Variants in ASIC2 observed in about 807,000 individuals in gnomAD.
The protein encoded by ASIC2 is acid sensing ion channel subunit 2.
In ASIC2, 25 loss-of-function variants were observed where a neutral mutation model predicts 57.3. The observed-to-expected ratio is 0.44, with a 90% CI of 0.32 to 0.61. ASIC2 has a LOEUF of 0.61. ASIC2 is among the 20% of genes least tolerant of loss of function. ASIC2 has a pLI of 0.06. For missense variants in ASIC2, 641 were observed against 738.1 expected (o/e 0.87, Z 1.52); for synonymous variants, 319 against 307.5 (o/e 1.04, Z -0.39).
chr17:33,884,451 C>G (rs967222063), intron 1 of ASIC2, among the ~76,000 whole-genome samples: 14 of 152,034 alleles, frequency 9.2e-5, no homozygotes, highest in African/African-American at 2.9e-4. Flanking sequence ...GTAAGTAGCC[C>G]TTTCCTTCTT....
At chr17:33,898,976 C>T (rs559967471) in intron 1 of ASIC2, among the ~76,000 whole-genome samples, 24 of 152,242 alleles carry the variant, frequency 1.6e-4, no homozygotes, top group African/African-American at 5.1e-4. Context: ...ATGGCTGTTG[C>T]CCGCTTGCCA....
At chr17:34,082,329 C>T (rs1402577531) in intron 1 of ASIC2, 4 of 152,150 alleles carry the variant, frequency 2.6e-5, no homozygotes, top group Non-Finnish European at 4.4e-5. Flanking sequence ...AGGACCAGCA[C>T]CAGGCCACCA....
intron 1 of ASIC2, among the ~76,000 whole-genome samples, chr17:33,688,432 C>T (rs577430074): frequency 5.3e-4 from 81 of 152,202 alleles, no homozygotes; most frequent in Middle Eastern, 6.8e-3. Flanking sequence ...TGAATGTTAA[C>T]TTAACAGTAT....
chr17:34,032,715 A>T (rs1311857390), intron 1 of ASIC2, among the ~76,000 whole-genome samples: 1 of 152,236 alleles, frequency 6.6e-6, no homozygotes, highest in African/African-American at 2.4e-5. Context: ...TTGCAATCCT[A>T]GTCACTGATA....
chr17:33,464,129 T>A (rs964698485), intron 1 of ASIC2, among the ~76,000 whole-genome samples: 12 of 152,194 alleles, frequency 7.9e-5, no homozygotes, highest in South Asian at 2.1e-4. Context: ...ATTTTCCCAG[T>A]CCTAAGAGTC....
At chr17:33,147,348 A>C (rs1046600147) in intron 1 of ASIC2, among the ~76,000 whole-genome samples, 8 of 152,242 alleles carry the variant, frequency 5.3e-5, no homozygotes, top group Non-Finnish European at 1.0e-4. Context: ...CCTGATAGCC[A>C]ATGTCCAAAA....
chr17:34,028,206 T>C (rs1476823787), intron 1 of ASIC2, among the ~76,000 whole-genome samples: 2 of 152,094 alleles, frequency 1.3e-5, no homozygotes, highest in Admixed American at 6.5e-5. Flanking sequence ...ATATTTTAGT[T>C]TGTGAGAGCT....
At chr17:33,272,708 C>G (rs1038047844) in intron 1 of ASIC2, among the ~76,000 whole-genome samples, 1 of 152,178 alleles carries the variant, frequency 6.6e-6, no homozygotes, top group Admixed American at 6.5e-5. Context: ...TCATCACCAT[C>G]ATCATCATTG....
intron 3 of ASIC2, among the ~76,000 whole-genome samples, chr17:33,070,343 T>TC (rs200991005): frequency 0.017 from 2,595 of 149,798 alleles, 75 homozygotes; most frequent in African/African-American, 0.06. Context: ...CGCCATTACT[T>TC]TTTTTTTTTT....
chr17:33,350,687 A>AAAAGAAAGAAATAAAGAAAGAAAGAAAG (rs1908130110), intron 1 of ASIC2, among the ~76,000 whole-genome samples: 1 of 145,556 alleles, frequency 6.9e-6, no homozygotes, highest in Non-Finnish European at 1.5e-5. Context: ...GTGAGAAAAA[A>AAAAGAAAGAAATAAAGAAAGAAAGAAAG]AAAGAAAGAA....
intron 1 of ASIC2, among the ~76,000 whole-genome samples, chr17:34,031,226 A>T (rs923728475): frequency 6.6e-6 from 1 of 152,316 alleles, no homozygotes; most frequent in African/African-American, 2.4e-5. Context: ...TTCTTCAGCC[A>T]CCGCTGTGGA....
chr17:34,109,853 T>C (rs998269886), intron 1 of ASIC2, among the ~76,000 whole-genome samples: 4 of 152,188 alleles, frequency 2.6e-5, no homozygotes, highest in African/African-American at 9.7e-5. Flanking sequence ...CCAGGTATTG[T>C]AACACTGAAA....
At chr17:33,697,839 T>G (rs745354775) in intron 1 of ASIC2, among the ~76,000 whole-genome samples, 10 of 152,220 alleles carry the variant, frequency 6.6e-5, no homozygotes, top group Non-Finnish European at 1.5e-4. Context: ...AAAAGAACTC[T>G]GACTGTCAGT....
intron 1 of ASIC2, among the ~76,000 whole-genome samples, chr17:34,111,025 A>G (rs1911254617): frequency 6.6e-6 from 1 of 152,034 alleles, no homozygotes; most frequent in South Asian, 2.1e-4. Context: ...GGAGTTCGAA[A>G]CCAGCCTGGC....
At chr17:33,664,842 G>A (rs1039488826) in intron 1 of ASIC2, among the ~76,000 whole-genome samples, 107 of 152,302 alleles carry the variant, frequency 7.0e-4, no homozygotes, top group African/African-American at 2.5e-3. Flanking sequence ...GAAACCGTGA[G>A]CTGAAAATGA....
chr17:33,124,203 T>C (rs1377480188), intron 1 of ASIC2, among the ~76,000 whole-genome samples: 2 of 152,224 alleles, frequency 1.3e-5, no homozygotes, highest in Non-Finnish European at 2.9e-5. Flanking sequence ...TGTCTGCTAG[T>C]TTTCCCCACA....
At chr17:33,464,514 T>TCC (rs1912767926) in intron 1 of ASIC2, among the ~76,000 whole-genome samples, 1 of 38,932 alleles carries the variant, frequency 2.6e-5, no homozygotes, top group African/African-American at 1.1e-4. Flanking sequence ...CTTTCTTTCT[T>TCC]TCTTTCTTTC....
chr17:34,037,744 G>A (rs1597987127), intron 1 of ASIC2: 11 of 1,614,154 alleles, frequency 6.8e-6, no homozygotes, highest in African/African-American at 6.7e-5. Context: ...CCAGCTGCTG[G>A]ACATCAATGC....
At chr17:33,519,770 C>T (rs919259116) in intron 1 of ASIC2, among the ~76,000 whole-genome samples, 1 of 152,184 alleles carries the variant, frequency 6.6e-6, no homozygotes, top group Non-Finnish European at 1.5e-5. Context: ...CCAGGCACTG[C>T]TAGACCGTCT....
Sources: allele counts gnomAD v4.1 joint callset (sites outside exome capture counted in the v4.1 genomes callset), GRCh38; gene constraint gnomAD v4.1.1; transcripts MANE v1.5; gene names NCBI Gene and HGNC (gene_info 2026-07-23, HGNC 2026-07-21).